Variants in NLRC5 observed in about 807,000 individuals in gnomAD.
The protein encoded by NLRC5 is protein NLRC5.
Under a neutral mutation model 206.9 loss-of-function variants are expected in NLRC5, and 114 were observed. The ratio of observed to expected loss-of-function variants is 0.55; its 90% CI spans 0.47 to 0.64. The LOEUF is 0.64. Ranked by LOEUF, NLRC5 falls within the 30% of genes least tolerant of loss-of-function variation. NLRC5 has a pLI of 0.00. For synonymous variants in NLRC5, 952 were observed against 962.8 expected (o/e 0.99, Z 0.21); for missense variants, 2,008 against 2,305.5 (o/e 0.87, Z 2.64).
At chr16:57,043,831 A>C in intron 20 of NLRC5, 1 of 580,730 alleles carries the variant, frequency 1.7e-6, no homozygotes, top group Non-Finnish European at 3.1e-6. Flanking sequence ...CAAATTCACC[A>C]TTAGAGAGTT....
At chr16:57,072,269 C>G (rs929022509) in intron 38 of NLRC5, among the ~76,000 whole-genome samples, 3 of 152,320 alleles carry the variant, frequency 2.0e-5, no homozygotes, top group African/African-American at 7.2e-5. Context: ...GTACCATTCT[C>G]TCTGTGGTTA....
chr16:57,029,045 G>A (rs2061525977), intron 8 of NLRC5, among the ~76,000 whole-genome samples: 2 of 152,130 alleles, frequency 1.3e-5, no homozygotes. Flanking sequence ...CATCCACACA[G>A]ATGCAGCCTG....
chr16:57,046,316 G>A (rs1001869776), intron 21 of NLRC5, among the ~76,000 whole-genome samples: 1 of 152,188 alleles, frequency 6.6e-6, no homozygotes. Flanking sequence ...TTCTAACTCA[G>A]GCTTCCCTTC....
Position 57,066,556 on chromosome 16 carries a change from C to T in NLRC5, c.4264C>T (p.Leu1422Phe), listed in dbSNP as rs765679238. Reference sequence around the variant, plus strand: ...CAGCATCTCCGAGACCCAGCAGCAGCTCTGTGTCCAGCTGGAATTTCCTCG... The same window carrying T: ...CAGCATCTCCGAGACCCAGCAGCAGTTCTGTGTCCAGCTGGAATTTCCTCG... ...EISISETQQQLCVQLEFPRQE... is the reference protein window; with the variant it reads ...EISISETQQQFCVQLEFPRQE... The change falls in exon 34 of 49, where the codon CTC becomes TTC. Residue 1422 changes from leucine (L) to phenylalanine (F), a missense_variant. Physicochemically the swap from Leu to Phe is conservative, Grantham distance 22. Coordinates refer to ENST00000688547, the MANE Select transcript of NLRC5 (RefSeq NM_001384950.1). The T allele has an allele frequency of 1.2e-6, 2 of 1,614,094 alleles. No homozygotes were observed. Among genetic ancestry groups the T allele is most frequent in the East Asian group, 2.2e-5 (1 of 44,868 alleles).
intron 1 of NLRC5, among the ~76,000 whole-genome samples, chr16:57,000,117 C>A (rs62035509): frequency 0.15 from 22,204 of 152,108 alleles, 1,730 homozygotes; most frequent in South Asian, 0.26. Flanking sequence ...CTCTGGGGCC[C>A]GGGACACGCA....
At chr16:57,066,649 C>T (rs2067112584) in intron 34 of NLRC5, 35 bp downstream of exon 34, 1 of 1,582,274 alleles carries the variant, frequency 6.3e-7, no homozygotes, top group Non-Finnish European at 8.7e-7. Context: ...AAGGCAGGGG[C>T]TGGTGTTGGG....
chr16:57,002,366 T>G (rs2058357104), intron 1 of NLRC5, among the ~76,000 whole-genome samples: 1 of 152,144 alleles, frequency 6.6e-6, no homozygotes, highest in African/African-American at 2.4e-5. Context: ...CAGGTTGGTC[T>G]CCAATGCCTG....
chr16:57,067,142 G>A (rs1386069542), intron 34 of NLRC5, among the ~76,000 whole-genome samples: 1 of 152,184 alleles, frequency 6.6e-6, no homozygotes, highest in Non-Finnish European at 1.5e-5. Context: ...AGCATGGTAG[G>A]ATCTCAGCCT....
chr16:57,016,062 A>G (rs908321783), intron 1 of NLRC5, among the ~76,000 whole-genome samples: 2 of 151,950 alleles, frequency 1.3e-5, no homozygotes, highest in Non-Finnish European at 2.9e-5. Context: ...TAAAAATACT[A>G]GAATTAGCCA....
chr16:57,065,122 C>A, intron 32 of NLRC5, 90 bp from the exon 33 acceptor site: 1 of 784,976 alleles, frequency 1.3e-6, no homozygotes, highest in Non-Finnish European at 1.8e-6. Context: ...TAGGTCCCCC[C>A]CTTGACACTC....
intron 1 of NLRC5, among the ~76,000 whole-genome samples, chr16:57,009,173 C>T (rs1371384638): frequency 6.6e-6 from 1 of 151,556 alleles, no homozygotes; most frequent in African/African-American, 2.4e-5. Flanking sequence ...AGCCTGTAGT[C>T]CCAGCTACTT....
chr16:57,039,368 G>A (rs1193809567), intron 15 of NLRC5, among the ~76,000 whole-genome samples: 2 of 152,198 alleles, frequency 1.3e-5, no homozygotes, highest in African/African-American at 4.8e-5. Context: ...GGAGTCAGAG[G>A]AAGTGGCTGC....
Position 57,017,174 on chromosome 16 carries a change from G to A in NLRC5, c.-27G>A. ...GTGGGGACCCTAGAGCACCTATCAT[G>A]AACGAGGAGACCAAGTAGGTGATTT... On this transcript the variant is annotated 5_prime_UTR_variant, in exon 2 of 49. The change abolishes an upstream ATG in the 5' untranslated region. Coordinates refer to ENST00000688547, the MANE Select transcript of NLRC5 (RefSeq NM_001384950.1). 6.5e-6 allele frequency: 1 copy of A among 152,808 alleles called. No homozygotes were observed. Among genetic ancestry groups the A allele is most frequent in the Non-Finnish European group, 1.5e-5 (1 of 68,042 alleles). The allele number at this position is 152,808 out of a possible 1,614,324, so 9.5% of individuals were successfully genotyped here.
At chr16:57,031,594 T>C in intron 11 of NLRC5, 131 bp downstream of exon 11, 1 of 820,236 alleles carries the variant, frequency 1.2e-6, no homozygotes, top group Non-Finnish European at 2.0e-6. Context: ...ACTGCTGCAC[T>C]GAGGAATGAA....
chr16:56,991,170 G>C lies in NLRC5; in HGVS notation c.-128+1553G>C, dbSNP rs553116456. 6 of 152,212 alleles carry C rather than the reference G, an allele frequency of 3.9e-5. No homozygotes were observed. In the East Asian group the frequency reaches 1.2e-3, roughly 29 times the overall value. 9.4% of individuals were successfully genotyped at this position (152,212 alleles called of 1,614,324 possible). Reference sequence around the variant, plus strand: ...CTTAAAATGCTGCACAAGTGTGAGGGGAGATGGATCCTTGAAGAAGACAGA... The same window carrying C: ...CTTAAAATGCTGCACAAGTGTGAGGCGAGATGGATCCTTGAAGAAGACAGA... On this transcript the variant is annotated intron_variant, in intron 1 of 48. Transcript: ENST00000688547.
At chr16:56,998,309 A>T (rs962735864) in intron 1 of NLRC5, among the ~76,000 whole-genome samples, 1 of 151,472 alleles carries the variant, frequency 6.6e-6, no homozygotes, top group African/African-American at 2.4e-5. Context: ...GCTGATATCT[A>T]TTTTACTCAC....
chr16:57,006,060 C>T (rs1597109076), intron 1 of NLRC5, among the ~76,000 whole-genome samples: 1 of 151,660 alleles, frequency 6.6e-6, no homozygotes, highest in African/African-American at 2.4e-5. Context: ...TGCAGGGATG[C>T]AATCTTGGCT....
At chr16:57,033,329 G>A (rs1462365824) in intron 11 of NLRC5, among the ~76,000 whole-genome samples, 3 of 152,260 alleles carry the variant, frequency 2.0e-5, no homozygotes, top group Non-Finnish European at 4.4e-5. Flanking sequence ...TTTTAGAAAA[G>A]AGAAAAGGGA....
In NLRC5 at chr16:57,027,023, G is replaced by A; in HGVS notation, c.2075+5G>A. 6 of 1,611,318 alleles carry A rather than the reference G, an allele frequency of 3.7e-6. No homozygotes were observed. The highest frequency in any genetic ancestry group is 5.1e-6 in the Non-Finnish European group (6 of 1,178,074). ...TGGGCAGATAGAGAATCTCAGGTGA[G>A]TAAGAGTGGAGGAGGACCGGGGAGG... On this transcript the variant is annotated splice_donor_5th_base_variant and intron_variant, in intron 6 of 48. Coordinates refer to ENST00000688547, the MANE Select transcript of NLRC5 (RefSeq NM_001384950.1).
Sources: gnomAD v4.1 joint callset for allele counts (sites outside exome capture counted in the v4.1 genomes callset) on GRCh38, gnomAD v4.1.1 for gene constraint, MANE v1.5 for transcripts, NCBI Gene and HGNC (gene_info 2026-07-23, HGNC 2026-07-21) for gene names.